ABCB5: variants seen among roughly 807,000 people sequenced by gnomAD.
ABCB5 encodes the protein ATP-binding cassette sub-family B member 5.
ABCB5 carries 155 observed loss-of-function variants against 144.2 expected under a neutral mutation model. That is an observed-to-expected ratio of 1.08 (90% CI 0.94 to 1.23). The LOEUF (loss-of-function observed/expected upper bound fraction) is 1.23. Ranked by LOEUF, ABCB5 falls within the 50% of genes most tolerant of loss-of-function variation. The probability of loss-of-function intolerance (pLI) is 0.00; values close to 1 mark genes in which losing one functional copy is unlikely to be tolerated. For missense variants in ABCB5, 1,830 were observed against 1,520.8 expected, an observed-to-expected ratio of 1.20 and a Z score of -3.38; for synonymous variants, 610 against 528.6, an observed-to-expected ratio of 1.15 and a Z score of -2.11.
At chr7:20,657,618 T>C (rs1399802772) in intron 13 of ABCB5, among the ~76,000 whole-genome samples, 2 of 152,196 alleles carry the variant, frequency 1.3e-5, no homozygotes, top group Non-Finnish European at 2.9e-5. Context: ...AGGCATGGTA[T>C]GGGTTTTGAC....
intron 15 of ABCB5, among the ~76,000 whole-genome samples, chr7:20,683,858 G>A (rs538609432): frequency 6.6e-5 from 10 of 152,180 alleles, no homozygotes; most frequent in South Asian, 2.1e-4. Flanking sequence ...TTGATAATTC[G>A]TGATTATCAC....
At chr7:20,711,163 C>G (rs914769868) in intron 20 of ABCB5, among the ~76,000 whole-genome samples, 1 of 149,442 alleles carries the variant, frequency 6.7e-6, no homozygotes, top group African/African-American at 2.5e-5. Flanking sequence ...ATTATTTTTG[C>G]TTAACAATCA....
chr7:20,648,190 C>T (rs1054853160), intron 11 of ABCB5, 112 bp downstream of exon 11: 2 of 682,234 alleles, frequency 2.9e-6, no homozygotes, highest in African/African-American at 3.6e-5. Flanking sequence ...ATTTTGGCTA[C>T]TTTGCTTAGA....
At position 20,717,069 on chromosome 7, in the gene ABCB5, G is replaced by A. The variant is rs745858919; in HGVS notation, c.2422-5947G>A. ...CCCATCTGGAGCTTGAGATGACCCCGCACCAGGAGCATTTAGTATTTAAGG... is the reference window on the plus strand; with the variant it reads ...CCCATCTGGAGCTTGAGATGACCCCACACCAGGAGCATTTAGTATTTAAGG... On this transcript the variant is annotated intron_variant, in intron 20 of 27. Transcript: ENST00000404938. Among the ~76,000 whole-genome samples, 11 of 152,020 alleles carry A rather than the reference G, an allele frequency of 7.2e-5. No homozygotes were observed. In the South Asian group the frequency reaches 8.3e-4, roughly 11 times the overall value.
intron 20 of ABCB5, among the ~76,000 whole-genome samples, chr7:20,715,228 C>T (rs148059540): frequency 6.6e-6 from 1 of 151,872 alleles, no homozygotes; most frequent in South Asian, 2.1e-4. Flanking sequence ...GTATTTTTAG[C>T]AGAAATGGAG....
chr7:20,704,143 T>C (rs1425740361), intron 19 of ABCB5, among the ~76,000 whole-genome samples: 1 of 138,880 alleles, frequency 7.2e-6, no homozygotes, highest in African/African-American at 2.7e-5. Context: ...TGGTGTAATC[T>C]CAGCTCACTG....
At position 20,645,662 on chromosome 7, in the gene ABCB5, G is replaced by T. The variant is rs924225901; in HGVS notation, c.679-94G>T. On this transcript the variant is annotated intron_variant, in intron 7 of 27. Coordinates refer to ENST00000404938, the MANE Select transcript of ABCB5 (RefSeq NM_001163941.2). The stretch of plus-strand genomic sequence containing the variant: ...GATAAAGTCTAAAAAAATACCATTA[G>T]TCTACTTAGAATTCAAATTCTGCCT... 2.1e-6 allele frequency: 3 copies of T among 1,443,734 alleles called. No homozygotes were observed. The African/African-American group carries it at 4.3e-5, about 21-fold the overall frequency. The allele number at this position is 1,443,734 out of a possible 1,614,324, so 89.4% of individuals were successfully genotyped here. A position where few individuals can be genotyped will look rare whatever the true frequency, so the allele number is the denominator to read the frequency against.
intron 14 of ABCB5, among the ~76,000 whole-genome samples, chr7:20,670,542 C>T (rs142146753): frequency 3.3e-5 from 5 of 152,164 alleles, no homozygotes; most frequent in African/African-American, 9.7e-5. Flanking sequence ...TTTTGTTATA[C>T]CATTCATAAG....
intron 5 of ABCB5, among the ~76,000 whole-genome samples, chr7:20,638,367 A>T (rs1784210653): frequency 6.6e-6 from 1 of 151,122 alleles, no homozygotes; most frequent in Admixed American, 6.6e-5. Flanking sequence ...ATCTTTGTTG[A>T]TGTATAATTT....
intron 14 of ABCB5, among the ~76,000 whole-genome samples, chr7:20,661,409 T>A (rs117783130): frequency 0.014 from 2,162 of 152,310 alleles, 23 homozygotes; most frequent in Non-Finnish European, 0.021. Context: ...AACTGCAGCA[T>A]CCCCACCTCT....
chr7:20,709,707 C>T (rs1315476388), intron 20 of ABCB5, among the ~76,000 whole-genome samples: 1 of 149,980 alleles, frequency 6.7e-6, no homozygotes, highest in Admixed American at 6.7e-5. Context: ...ATGAGAGTGG[C>T]ACATATGGTT....
In ABCB5 at chr7:20,642,654, T is replaced by A. The variant is rs532818458; in HGVS notation, c.315-530T>A. 2.0e-5 allele frequency among the ~76,000 whole-genome samples: 3 copies of A among 152,336 alleles called. No individual in the cohort carries two copies. The South Asian group carries it at 6.2e-4, about 32-fold the overall frequency. On this transcript the variant is annotated intron_variant, in intron 5 of 27. Transcript: ENST00000404938. Reference sequence around the variant, plus strand: ...AGTATACATTTATTAAATAATTACATTTCTTATCTGATCTCCTCCTGTATA... The same window carrying A: ...AGTATACATTTATTAAATAATTACAATTCTTATCTGATCTCCTCCTGTATA...
At chr7:20,706,453 G>A (rs560550789) in intron 20 of ABCB5, among the ~76,000 whole-genome samples, 151 of 152,274 alleles carry the variant, frequency 9.9e-4, no homozygotes, top group African/African-American at 3.6e-3. Context: ...CAACATTACT[G>A]TCCTTACATT....
At chr7:20,618,645 AT>A (rs1239986308) in intron 1 of ABCB5, among the ~76,000 whole-genome samples, 1 of 151,714 alleles carries the variant, frequency 6.6e-6, no homozygotes, top group African/African-American at 2.4e-5. Flanking sequence ...GCTCCCATTT[AT>A]CAGTGAAAAC....
At chr7:20,666,783 T>C (rs769469505) in intron 14 of ABCB5, 11 of 1,597,342 alleles carry the variant, frequency 6.9e-6, no homozygotes, top group East Asian at 2.2e-5. Flanking sequence ...CAAAGACGTA[T>C]TGATAATCTA....
At chr7:20,669,262 A>T (rs1420783058) in intron 14 of ABCB5, among the ~76,000 whole-genome samples, 1 of 143,798 alleles carries the variant, frequency 7.0e-6, no homozygotes, top group Non-Finnish European at 1.5e-5. Context: ...CATGATGACA[A>T]TGGCGGTTTT....
chr7:20,755,737 T>A lies in ABCB5; in HGVS notation c.*113T>A, dbSNP rs1016187289. The A allele has an allele frequency of 1.0e-6, 1 of 996,808 alleles. No individual in the cohort carries two copies. The highest frequency in any genetic ancestry group is 1.5e-6 in the Non-Finnish European group (1 of 672,714). 61.7% of individuals were successfully genotyped at this position (996,808 alleles called of 1,614,324 possible). ...TTGCATATATCAATACCTAGAATCATGCTACTCAAGTACATACATGTTCTA... is the reference window on the plus strand; with the variant it reads ...TTGCATATATCAATACCTAGAATCAAGCTACTCAAGTACATACATGTTCTA... On this transcript the variant is annotated 3_prime_UTR_variant, in exon 28 of 28. Transcript: ENST00000404938.
intron 14 of ABCB5, among the ~76,000 whole-genome samples, chr7:20,671,589 T>C (rs1319182147): frequency 6.6e-6 from 1 of 152,242 alleles, no homozygotes. Context: ...CTGTTAGGTC[T>C]AGCTTCTTTC....
chr7:20,667,664 CGCCTCTGCCCCTGCCCCTGCCCCT>C (rs1562550974), intron 14 of ABCB5: 1 of 596,076 alleles, frequency 1.7e-6, no homozygotes, highest in South Asian at 8.1e-5. Flanking sequence ...AAATAACATT[CGCCTCTGCCCCTGCCCCTGCCCCT>C]GCCCCTGCCC....
Sources: gnomAD v4.1 joint callset for allele counts (sites outside exome capture counted in the v4.1 genomes callset) on GRCh38, gnomAD v4.1.1 for gene constraint, MANE v1.5 for transcripts, NCBI Gene and HGNC (gene_info 2026-07-23, HGNC 2026-07-21) for gene names.